UBE3C: variants seen among roughly 807,000 people sequenced by gnomAD.
UBE3C encodes the protein ubiquitin-protein ligase E3C.
A neutral mutation model predicts 129.4 loss-of-function variants in UBE3C; 42 were observed. That is an observed-to-expected ratio of 0.32 (90% CI 0.25 to 0.42). The LOEUF (loss-of-function observed/expected upper bound fraction) is 0.42. Among genes scored for constraint, UBE3C ranks in the 10% least tolerant of loss-of-function variants. UBE3C has a pLI of 1.00. For synonymous variants in UBE3C, 510 were observed against 492.4 expected, an observed-to-expected ratio of 1.04 and a Z score of -0.47; for missense variants, 1,049 against 1,319.1, an observed-to-expected ratio of 0.80 and a Z score of 3.17.
intron 10 of UBE3C, among the ~76,000 whole-genome samples, chr7:157,199,313 A>C (rs1809212975): frequency 6.6e-6 from 1 of 151,994 alleles, no homozygotes; most frequent in Non-Finnish European, 1.5e-5. Flanking sequence ...AGCAAATAAA[A>C]CTCCACAAAG....
chr7:157,174,264 A>G (rs1359862047), intron 4 of UBE3C, among the ~76,000 whole-genome samples: 2 of 152,196 alleles, frequency 1.3e-5, no homozygotes, highest in African/African-American at 4.8e-5. Context: ...TGGGAGGCTA[A>G]GGCATGAGAC....
chr7:157,231,000 A>G, intron 17 of UBE3C, 80 bp from the exon 18 acceptor site: 1 of 1,553,206 alleles, frequency 6.4e-7, no homozygotes, highest in Non-Finnish European at 8.7e-7. Context: ...CCCCTTCCTT[A>G]AGCCTTCCTG....
At chr7:157,211,782 A>G (rs1320890906) in intron 13 of UBE3C, among the ~76,000 whole-genome samples, 1 of 152,196 alleles carries the variant, frequency 6.6e-6, no homozygotes, top group Non-Finnish European at 1.5e-5. Flanking sequence ...CCATAGTGAC[A>G]CAGCTCTATG....
intron 18 of UBE3C, among the ~76,000 whole-genome samples, chr7:157,231,989 G>A (rs751256310): frequency 6.6e-6 from 1 of 152,190 alleles, no homozygotes; most frequent in Non-Finnish European, 1.5e-5. Context: ...TCCAAACTCA[G>A]GGTGTCAGCA....
chr7:157,157,024 T>C (rs1807927998), intron 1 of UBE3C, among the ~76,000 whole-genome samples: 1 of 152,186 alleles, frequency 6.6e-6, no homozygotes, highest in Non-Finnish European at 1.5e-5. Context: ...TAAAAACTCA[T>C]GTCCGGCCCA....
chr7:157,160,046 A>G (rs1440982056), intron 1 of UBE3C, among the ~76,000 whole-genome samples: 4 of 151,132 alleles, frequency 2.6e-5, no homozygotes, highest in Non-Finnish European at 5.9e-5. Context: ...AACTTGTTAG[A>G]TTTTTATGTA....
chr7:157,217,417 G>T lies in UBE3C; in HGVS notation c.1914+446G>T, dbSNP rs747018863. Among the ~76,000 whole-genome samples the T allele has an allele frequency of 7.8e-4, 118 of 151,632 alleles. 1 individual carries two copies. Among genetic ancestry groups the T allele is most frequent in the Non-Finnish European group, 3.8e-4 (26 of 67,954 alleles). ...TCTTCCTACCTTGGCCTCCCAAAGT[G>T]CTGGGATTACAGACGTAAGCCACCA... On this transcript the variant is annotated intron_variant, in intron 14 of 22. Coordinates refer to ENST00000348165, the MANE Select transcript of UBE3C (RefSeq NM_014671.3).
In UBE3C at chr7:157,256,152, ATT is replaced by A. The variant is rs1796745858; in HGVS notation, c.2951-760_2951-759del. 1.8e-4 allele frequency among the ~76,000 whole-genome samples: 27 copies of A among 151,916 alleles called. 1 individual carries two copies. The South Asian group carries it at 5.6e-3, about 32-fold the overall frequency. ...ATTCTAGCTTTTTATGTATTTATTT[ATT>A]TATTTTGAGGGCGAATCTCACCCTG... On this transcript the variant is annotated intron_variant, in intron 21 of 22. Transcript: ENST00000348165.
At chr7:157,210,534 C>G (rs895249349) in intron 13 of UBE3C, among the ~76,000 whole-genome samples, 2 of 152,102 alleles carry the variant, frequency 1.3e-5, no homozygotes, top group Non-Finnish European at 2.9e-5. Context: ...TACAATAGTT[C>G]TGTGAGAAAG....
At chr7:157,157,945 A>C (rs1807957462) in intron 1 of UBE3C, among the ~76,000 whole-genome samples, 1 of 149,786 alleles carries the variant, frequency 6.7e-6, no homozygotes, top group South Asian at 2.1e-4. Flanking sequence ...GTGCCACTGC[A>C]CTCCAGCCTG....
intron 5 of UBE3C, among the ~76,000 whole-genome samples, chr7:157,177,382 G>A (rs1315756074): frequency 6.6e-6 from 1 of 152,174 alleles, no homozygotes; most frequent in Non-Finnish European, 1.5e-5. Context: ...TCCCGTCCAA[G>A]GCTGTCCCGA....
At chr7:157,224,810 T>C (rs887740206) in intron 16 of UBE3C, among the ~76,000 whole-genome samples, 1 of 150,976 alleles carries the variant, frequency 6.6e-6, no homozygotes, top group Admixed American at 6.6e-5. Context: ...TCTCTCTCTC[T>C]CTCCCACTCA....
intron 22 of UBE3C, among the ~76,000 whole-genome samples, chr7:157,265,344 G>C (rs916992747): frequency 3.9e-5 from 6 of 152,222 alleles, no homozygotes; most frequent in Non-Finnish European, 7.3e-5. Flanking sequence ...CATAAATCAC[G>C]TATCTCAAAT....
chr7:157,251,681 G>A (rs1374328693), intron 19 of UBE3C, among the ~76,000 whole-genome samples: 1 of 152,172 alleles, frequency 6.6e-6, no homozygotes, highest in Non-Finnish European at 1.5e-5. Flanking sequence ...GCTGTCCTGA[G>A]AACTGCTCCA....
At chr7:157,139,486 C>G (rs974041931) in intron 1 of UBE3C, 148 bp downstream of exon 1, 107 of 696,342 alleles carry the variant, frequency 1.5e-4, no homozygotes, top group Non-Finnish European at 2.1e-4. Context: ...TCGGGGCTTC[C>G]TCGCCGGATC....
rs116399864 is a variant in UBE3C, at chr7:157,158,345, C to T, written c.67-5465C>T. Among the ~76,000 whole-genome samples the T allele has an allele frequency of 6.8e-3, 1,034 of 152,240 alleles. 13 individuals carry two copies. Among genetic ancestry groups the T allele is most frequent in the African/African-American group, 0.024 (987 of 41,542 alleles). On this transcript the variant is annotated intron_variant, in intron 1 of 22. Transcript: ENST00000348165. ...TCCAGTGTGAAACCATGCACTCATA[C>T]TTTATTTTGAAACCGTAAGCCATAG...
At chr7:157,223,118 G>A (rs917064491) in intron 15 of UBE3C, 136 bp from the exon 16 acceptor site, 4 of 845,438 alleles carry the variant, frequency 4.7e-6, no homozygotes, top group Admixed American at 4.1e-5. Flanking sequence ...GCCTGAGGCG[G>A]GGATGTGTTC....
At chr7:157,221,055 T>C in intron 15 of UBE3C, 1 of 319,912 alleles carries the variant, frequency 3.1e-6, no homozygotes, top group Non-Finnish European at 6.0e-6. Context: ...CTGGCTCCTT[T>C]TGGTCAGCAC....
intron 4 of UBE3C, 89 bp from the exon 5 acceptor site, chr7:157,174,830 G>A (rs1808471970): frequency 1.1e-6 from 1 of 873,826 alleles, no homozygotes; most frequent in Admixed American, 2.6e-5. Context: ...AATGTGCATT[G>A]CCACTAAAGG....
Sources: gnomAD v4.1 joint callset for allele counts (sites outside exome capture counted in the v4.1 genomes callset) on GRCh38, gnomAD v4.1.1 for gene constraint, MANE v1.5 for transcripts, NCBI Gene and HGNC (gene_info 2026-07-23, HGNC 2026-07-21) for gene names.